The following ANKRD18A variants were observed in gnomAD, a reference collection of about 807,000 sequenced individuals.
The protein encoded by ANKRD18A is ankyrin repeat domain-containing protein 18A.
In ANKRD18A, 72 loss-of-function variants were observed where a neutral mutation model predicts 110.6. The ratio of observed to expected loss-of-function variants is 0.65; its 90% CI spans 0.54 to 0.79. The LOEUF (loss-of-function observed/expected upper bound fraction) is 0.79, where lower values mean the gene tolerates loss of function less well. ANKRD18A is among the 30% of genes least tolerant of loss of function. ANKRD18A has a pLI of 0.00. For synonymous variants in ANKRD18A, 305 were observed against 410.3 expected (o/e 0.74, Z 3.10); for missense variants, 934 against 1,163.3 (o/e 0.80, Z 2.87).
At chr9:38,615,222 C>A (rs1164924317) in intron 3 of ANKRD18A, among the ~76,000 whole-genome samples, 1 of 152,136 alleles carries the variant, frequency 6.6e-6, no homozygotes, top group Non-Finnish European at 1.5e-5. Flanking sequence ...AAACCGTCAG[C>A]AGCAGCAAGA....
At position 38,608,555 on chromosome 9, in the gene ANKRD18A, T is replaced by A. The variant is rs371018380; in HGVS notation, c.741-1062A>T. On this transcript the variant is annotated intron_variant, in intron 5 of 15. Coordinates refer to ENST00000399703, the MANE Select transcript of ANKRD18A (RefSeq NM_147195.4). ...ATAATTATATAATATATAGATTATA[T>A]AATCTATAACTATATAATAATAGAT... is the stretch of plus-strand genomic sequence containing the variant. Among the ~76,000 whole-genome samples the A allele has an allele frequency of 1.8e-3, 259 of 147,242 alleles. 6 individuals are homozygous for A. In the South Asian group the frequency reaches 0.04, roughly 23 times the overall value.
At chr9:38,614,254 TG>T (rs1825765344) in intron 3 of ANKRD18A, among the ~76,000 whole-genome samples, 1 of 128,586 alleles carries the variant, frequency 7.8e-6, no homozygotes, top group African/African-American at 3.2e-5. Flanking sequence ...GCTCTTGTTG[TG>T]GTAAGAGACA....
At chr9:38,592,638 G>A (rs1179829862) in intron 10 of ANKRD18A, among the ~76,000 whole-genome samples, 2 of 151,988 alleles carry the variant, frequency 1.3e-5, no homozygotes, top group East Asian at 3.9e-4. Flanking sequence ...ATGAATGTTT[G>A]CAACAGCTGT....
intron 8 of ANKRD18A, among the ~76,000 whole-genome samples, chr9:38,597,608 T>C (rs1824944263): frequency 6.6e-6 from 1 of 152,160 alleles, no homozygotes; most frequent in Non-Finnish European, 1.5e-5. Flanking sequence ...TACAATTACA[T>C]ATTGCTGAAT....
chr9:38,568,237 C>T (rs1208203974), downstream of ANKRD18A: 1 of 152,324 alleles, frequency 6.6e-6, no homozygotes, highest in African/African-American at 2.4e-5. Flanking sequence ...CTGTAGGAGC[C>T]CTCATGCATG....
At chr9:38,579,508 G>A (rs1051126584) in intron 12 of ANKRD18A, among the ~76,000 whole-genome samples, 6 of 151,902 alleles carry the variant, frequency 3.9e-5, no homozygotes, top group East Asian at 1.9e-4. Flanking sequence ...CAAAAGATCC[G>A]ATTAGATATT....
chr9:38,600,720 C>T (rs1398908468), intron 8 of ANKRD18A, among the ~76,000 whole-genome samples: 1 of 152,142 alleles, frequency 6.6e-6, no homozygotes, highest in Non-Finnish European at 1.5e-5. Flanking sequence ...TGACCGGCAA[C>T]ATAAAATTGC....
chr9:38,576,829 G>C (rs1164686007), intron 14 of ANKRD18A, among the ~76,000 whole-genome samples: 1 of 151,880 alleles, frequency 6.6e-6, no homozygotes, highest in African/African-American at 2.4e-5. Flanking sequence ...GACTTTTCAG[G>C]GGAAAAAAGC....
chr9:38,594,523 T>G (rs192340700), intron 9 of ANKRD18A, among the ~76,000 whole-genome samples: 12 of 152,296 alleles, frequency 7.9e-5, no homozygotes, highest in African/African-American at 2.6e-4. Flanking sequence ...TACCTGCCAG[T>G]GGAAACATTA....
intron 3 of ANKRD18A, among the ~76,000 whole-genome samples, chr9:38,615,201 A>AT (rs1230373382): frequency 2.0e-5 from 3 of 152,056 alleles, no homozygotes; most frequent in African/African-American, 7.3e-5. Flanking sequence ...AGATACATCC[A>AT]TTTTGTTAGA....
In ANKRD18A at chr9:38,577,937, T is replaced by G. The variant is rs754687047; in HGVS notation, c.2459A>C (p.Gln820Pro). 2 of 1,595,074 alleles carry G rather than the reference T, an allele frequency of 1.3e-6. No homozygotes were observed. Among genetic ancestry groups the G allele is most frequent in the Non-Finnish European group, 1.7e-6 (2 of 1,169,326 alleles). The change falls in exon 13 of 16, where the codon CAA (glutamine) becomes CCA (proline). Residue 820 changes from glutamine to proline, a missense_variant. By Grantham distance (76) the Gln-to-Pro change is moderately conservative (BLOSUM62 -1). Around this residue, in one of 4 missense-constraint regions of ANKRD18A, gnomAD observed 223 missense variants for 226.7 expected, o/e 0.98. Coordinates refer to ENST00000399703, the MANE Select transcript of ANKRD18A (RefSeq NM_147195.4). ...EKDMVELGKLQEYKSELDERA... is the reference protein window; with the variant it reads ...EKDMVELGKLPEYKSELDERA... ...TTCATCCAGCTCCGATTTATATTCT[T>G]GTAGTTTACCAAGTTCTACCATATC...
At chr9:38,574,836 C>T (rs1253965061) in intron 15 of ANKRD18A, among the ~76,000 whole-genome samples, 3 of 152,074 alleles carry the variant, frequency 2.0e-5, no homozygotes, top group Non-Finnish European at 4.4e-5. Flanking sequence ...AGGCTCACCC[C>T]TGTAATCCCA....
rs190009653 is a variant in ANKRD18A, at chr9:38,604,788, C to T, written c.809-1576G>A. On this transcript the variant is annotated intron_variant, in intron 6 of 15. Coordinates refer to ENST00000399703, the MANE Select transcript of ANKRD18A (RefSeq NM_147195.4). ...GCTATTTTCACCTCATTACCAAGCA[C>T]TCCATATATTTTTTTTTTGCACTAG... 8 of 139,454 alleles carry T rather than the reference C, an allele frequency of 5.7e-5. No individual in the cohort carries two copies. In the South Asian group the frequency reaches 1.1e-3, roughly 19 times the overall value. The allele number at this position is 139,454 out of a possible 1,614,324, so 8.6% of individuals were successfully genotyped here.
chr9:38,600,643 C>G (rs1329816154), intron 8 of ANKRD18A, among the ~76,000 whole-genome samples: 1 of 152,108 alleles, frequency 6.6e-6, no homozygotes, highest in East Asian at 1.9e-4. Context: ...CCATCTTCTC[C>G]CTGAACATAG....
chr9:38,619,921 C>T (rs1351862316), intron 1 of ANKRD18A, among the ~76,000 whole-genome samples, 159 bp downstream of exon 1: 1 of 152,186 alleles, frequency 6.6e-6, no homozygotes, highest in Non-Finnish European at 1.5e-5. Flanking sequence ...GCGCGACGGA[C>T]GGGGAATTGC....
rs763950806 is a variant in ANKRD18A, at chr9:38,577,200, T to C, written c.2594A>G (p.Lys865Arg). 16 of 1,547,164 alleles carry C rather than the reference T, an allele frequency of 1.0e-5. No individual in the cohort carries two copies. Among genetic ancestry groups the C allele is most frequent in the Non-Finnish European group, 1.4e-5 (16 of 1,146,108 alleles). Residue 865 changes from lysine to arginine, a missense_variant, in exon 14 of 16, where the codon AAG (lysine) becomes AGG (arginine). This residue lies in a region of ANKRD18A where 223 missense variants were observed against 226.7 expected (regional missense o/e 0.98). Transcript: ENST00000399703. Reference sequence around the variant, plus strand: ...CACATCTTTAAGTGTGAGTTCCTTCTTTTTTAGTGAAGCCGTATTATCCTT... The same window carrying C: ...CACATCTTTAAGTGTGAGTTCCTTCCTTTTTAGTGAAGCCGTATTATCCTT... ...LNKDNTASLK[K>R]KELTLKDVEC...
chr9:38,610,280 A>C lies in ANKRD18A; in HGVS notation c.733T>G (p.Leu245Val). Residue 245 changes from leucine to valine, a missense_variant, in exon 5 of 16, where the codon TTG (leucine) becomes GTG (valine). Leu to Val is a conservative substitution (Grantham distance 32). Around this residue, in one of 4 missense-constraint regions of ANKRD18A, gnomAD observed 630 missense variants for 797.5 expected, o/e 0.79. Transcript: ENST00000399703. ...TAEDYALCSD[L>V]RSIRQQILEH... ...TTTAATATAAGCACATACCTTCTCA[A>C]ATCAGAACAAAGAGCATAATCCTCG... is the stretch of plus-strand genomic sequence containing the variant. The C allele has an allele frequency of 6.5e-7, 1 of 1,540,076 alleles. No homozygotes were observed. Among genetic ancestry groups the C allele is most frequent in the Non-Finnish European group, 8.7e-7 (1 of 1,143,588 alleles).
chr9:38,570,214 CA>C (rs1485082852), downstream of ANKRD18A, among the ~76,000 whole-genome samples: 3 of 152,164 alleles, frequency 2.0e-5, no homozygotes, highest in South Asian at 2.1e-4. Flanking sequence ...CCCCACTGAC[CA>C]ATTTCCCACT....
intron 7 of ANKRD18A, among the ~76,000 whole-genome samples, chr9:38,602,406 G>A (rs1825156513): frequency 1.3e-5 from 2 of 152,106 alleles, no homozygotes; most frequent in South Asian, 2.1e-4. Context: ...GGCAAGAGAG[G>A]GAGAGAAGCC....
Sources: allele counts gnomAD v4.1 joint callset (sites outside exome capture counted in the v4.1 genomes callset), GRCh38; gene constraint gnomAD v4.1.1; regional missense constraint gnomAD v4.1.1; transcripts MANE v1.5; gene names NCBI Gene and HGNC (gene_info 2026-07-23, HGNC 2026-07-21).